The following MAK variants were observed in gnomAD, a reference collection of about 807,000 sequenced individuals.
MAK encodes male germ cell associated kinase.
In MAK, 65 loss-of-function variants were observed where a neutral mutation model predicts 82.6. That is an observed-to-expected ratio of 0.79 (90% confidence interval 0.64 to 0.97). MAK has a LOEUF of 0.97. Ranked by LOEUF, MAK falls within the 50% of genes least tolerant of loss-of-function variation. The probability of loss-of-function intolerance (pLI) is 0.00; values close to 1 mark genes in which losing one functional copy is unlikely to be tolerated. For synonymous variants in MAK, 250 were observed against 274.2 expected (o/e 0.91, Z 0.87); for missense variants, 703 against 780.2 (o/e 0.90, Z 1.18).
At chr6:10,779,652 A>G (rs1773782019) in intron 11 of MAK, among the ~76,000 whole-genome samples, 1 of 152,138 alleles carries the variant, frequency 6.6e-6, no homozygotes, top group Non-Finnish European at 1.5e-5. Context: ...ATAACTATGG[A>G]TCATAAATAA....
At chr6:10,834,885 C>T (rs1779054411) in intron 1 of MAK, among the ~76,000 whole-genome samples, 1 of 152,164 alleles carries the variant, frequency 6.6e-6, no homozygotes, top group Non-Finnish European at 1.5e-5. Flanking sequence ...CACTCAGACA[C>T]AGGTATCCAG....
At chr6:10,781,917 A>T (rs1774002957) in intron 11 of MAK, among the ~76,000 whole-genome samples, 2 of 151,782 alleles carry the variant, frequency 1.3e-5, no homozygotes, top group African/African-American at 4.8e-5. Flanking sequence ...ACGACAAAAA[A>T]TATTATAGGG....
intron 10 of MAK, among the ~76,000 whole-genome samples, 174 bp downstream of exon 10, chr6:10,791,501 A>G (rs1266713349): frequency 2.0e-5 from 3 of 152,120 alleles, no homozygotes; most frequent in Non-Finnish European, 4.4e-5. Flanking sequence ...TCCTGGCCTC[A>G]AGTGATCAAC....
chr6:10,818,845 G>A lies in MAK; in HGVS notation c.156+41C>T, dbSNP rs761187496. ...ATCTTAACTACGGTCCTCAGGTAGT[G>A]TTAAGGCCTTCTCAGGTTCTTTTCA... On this transcript the variant is annotated intron_variant, in intron 3 of 14. Transcript: ENST00000354489. 113 of 1,106,274 alleles carry A rather than the reference G, an allele frequency of 1.0e-4. 1 individual carries two copies. In the Middle Eastern group the frequency reaches 1.2e-3, roughly 12 times the overall value. The allele number at this position is 1,106,274 out of a possible 1,614,324, so 68.5% of individuals were successfully genotyped here. A position where few individuals can be genotyped will look rare whatever the true frequency, so the allele number is the denominator to read the frequency against.
intron 14 of MAK, among the ~76,000 whole-genome samples, chr6:10,767,788 C>T (rs1772585486): frequency 2.3e-5 from 3 of 133,098 alleles, no homozygotes; most frequent in Non-Finnish European, 4.8e-5. Flanking sequence ...GAGACTTTGT[C>T]TCAAAAAAAA....
chr6:10,770,272 T>C, intron 13 of MAK, 42 bp from the exon 14 acceptor site: 1 of 1,609,834 alleles, frequency 6.2e-7, no homozygotes, highest in East Asian at 2.2e-5. Context: ...AAGGTGAATA[T>C]TTTAGGCACA....
chr6:10,808,090 A>T (rs189848653), intron 6 of MAK, among the ~76,000 whole-genome samples: 1 of 152,084 alleles, frequency 6.6e-6, no homozygotes, highest in Non-Finnish European at 1.5e-5. Flanking sequence ...AAGACATGCT[A>T]TCAGCACCCA....
At chr6:10,779,486 T>C (rs1220835014) in intron 11 of MAK, 3 of 985,218 alleles carry the variant, frequency 3.0e-6, no homozygotes, top group Middle Eastern at 5.2e-4. Context: ...TGTAGTATAA[T>C]GTCATGCTGC....
rs143121053 is a variant in MAK at position 10,770,118 on chromosome 6, C to T, written c.1785G>A (p.Thr595=). The T allele has an allele frequency of 8.5e-5, 138 of 1,614,148 alleles. No individual in the cohort carries two copies. The African/African-American group carries it at 1.1e-3, about 13-fold the overall frequency. Residue 595 remains threonine (T), a synonymous_variant, in exon 14 of 15, where the codon ACG becomes ACA. Transcript: ENST00000354489. ...ATCTGAAGTTGTTCCTACCTGAAGCCGTTGCATTGAGAGGTGCTAAGTGGA... is the reference window on the plus strand; with the variant it reads ...ATCTGAAGTTGTTCCTACCTGAAGCTGTTGCATTGAGAGGTGCTAAGTGGA... ...QRIHLAPLNA[T]ASEYTWNTKT... is the part of the protein sequence containing the mutation.
rs576082844 is a variant in MAK, at chr6:10,809,137, A to G, written c.359-195T>C. Among the ~76,000 whole-genome samples the G allele has an allele frequency of 2.1e-4, 32 of 152,334 alleles. No individual in the cohort carries two copies. In the South Asian group the frequency reaches 2.5e-3, roughly 12 times the overall value. ...ACCCTGCTTTTAAAATGCTTTGGCA[A>G]GAAAGTTCACACAGTGTATGAGATA... On this transcript the variant is annotated intron_variant, in intron 5 of 14. Coordinates refer to ENST00000354489, the MANE Select transcript of MAK (RefSeq NM_001242957.3).
chr6:10,789,675 T>G (rs1197188445), intron 10 of MAK, among the ~76,000 whole-genome samples: 2 of 152,228 alleles, frequency 1.3e-5, no homozygotes, highest in Non-Finnish European at 2.9e-5. Context: ...TTTTTTTTGT[T>G]TTGAGACGGA....
At chr6:10,780,656 T>C (rs1298310722) in intron 11 of MAK, among the ~76,000 whole-genome samples, 2 of 151,972 alleles carry the variant, frequency 1.3e-5, no homozygotes, top group East Asian at 1.9e-4. Context: ...AATTTCACCA[T>C]GTTGGCCAGG....
At position 10,817,968 on chromosome 6, in the gene MAK, G is replaced by A; in HGVS notation, c.160C>T (p.Leu54=). ...ACATTGGCATGATTAAGTTTCTTCA[G>A]AGACTGAAAAATAACAAATATGCCT... is the stretch of plus-strand genomic sequence containing the variant. ...ECMNLREVKS[L]KKLNHANVIK... The change falls in exon 4 of 15, where the codon CTG becomes TTG. Residue 54 remains leucine, a synonymous_variant. Transcript: ENST00000354489. 1 of 1,442,542 alleles carries A rather than the reference G, an allele frequency of 6.9e-7. No homozygotes were observed. The highest frequency in any genetic ancestry group is 2.4e-5 in the East Asian group (1 of 41,422). 89.4% of individuals were successfully genotyped at this position (1,442,542 alleles called of 1,614,324 possible). A position where few individuals can be genotyped will look rare whatever the true frequency, so the allele number is the denominator to read the frequency against.
Position 10,764,388 on chromosome 6 carries a change from C to T in MAK, c.*64G>A. 1 of 1,542,264 alleles carries T rather than the reference C, an allele frequency of 6.5e-7. No individual in the cohort carries two copies. Among genetic ancestry groups the T allele is most frequent in the South Asian group, 1.1e-5 (1 of 88,210 alleles). ...AGAAATAGACATTTGTAGACATTTC[C>T]CAGGGTCAAGGAACTTGCACGTACT... On this transcript the variant is annotated 3_prime_UTR_variant, in exon 15 of 15. Coordinates refer to ENST00000354489, the MANE Select transcript of MAK (RefSeq NM_001242957.3).
At chr6:10,784,320 G>T in intron 11 of MAK, 104 bp downstream of exon 11, 1 of 1,229,786 alleles carries the variant, frequency 8.1e-7, no homozygotes, top group Non-Finnish European at 1.2e-6. Flanking sequence ...TCTGTGATTA[G>T]ATTTTTTGCT....
chr6:10,765,690 C>T (rs983486909), intron 14 of MAK, among the ~76,000 whole-genome samples: 5 of 151,930 alleles, frequency 3.3e-5, no homozygotes, highest in Admixed American at 6.6e-5. Context: ...GAACTCCTGA[C>T]CTAAGGTGAT....
rs1233214233 is a variant in MAK at position 10,815,911 on chromosome 6, A to AGTGTGTGTAT, written c.278+1938_278+1939insATACACACAC. Among the ~76,000 whole-genome samples the AGTGTGTGTAT allele has an allele frequency of 2.6e-5, 2 of 78,188 alleles. 1 individual carries two copies. The highest frequency in any genetic ancestry group is 4.5e-5 in the Non-Finnish European group (2 of 43,990). The allele number at this position is 78,188 out of a possible 152,430, so 51.3% of individuals were successfully genotyped here. Reference sequence around the variant, plus strand: ...GTACTGTATTAGTGTAGCTTTATACAGTATATATATATATATATATATATA... The same window carrying AGTGTGTGTAT: ...GTACTGTATTAGTGTAGCTTTATACAGTGTGTGTATGTATATATATATATATATATATATA... On this transcript the variant is annotated intron_variant, in intron 4 of 14. Coordinates refer to ENST00000354489, the MANE Select transcript of MAK (RefSeq NM_001242957.3).
At chr6:10,770,584 C>T (rs1561929639) in intron 13 of MAK, among the ~76,000 whole-genome samples, 1 of 152,180 alleles carries the variant, frequency 6.6e-6, no homozygotes, top group Non-Finnish European at 1.5e-5. Flanking sequence ...GTATTTCCCA[C>T]TGCGAAGCCC....
At chr6:10,819,211 T>C (rs1214573374) in intron 2 of MAK, among the ~76,000 whole-genome samples, 1 of 152,246 alleles carries the variant, frequency 6.6e-6, no homozygotes, top group Non-Finnish European at 1.5e-5. Context: ...AGTTTAATTG[T>C]GCCTTTCTTA....
Sources: gnomAD v4.1 joint callset for allele counts (sites outside exome capture counted in the v4.1 genomes callset) on GRCh38, gnomAD v4.1.1 for gene constraint, MANE v1.5 for transcripts, NCBI Gene and HGNC (gene_info 2026-07-23, HGNC 2026-07-21) for gene names.